The following TSPAN9 variants were observed in gnomAD, a reference collection of about 807,000 sequenced individuals.
The protein encoded by TSPAN9 is tetraspanin 9.
A neutral mutation model predicts 31.0 loss-of-function variants in TSPAN9; 16 were observed. The observed-to-expected ratio is 0.52, with a 90% CI of 0.35 to 0.78. TSPAN9 has a LOEUF of 0.78. Among genes scored for constraint, TSPAN9 ranks in the 30% least tolerant of loss-of-function variants. The pLI, the probability that TSPAN9 is intolerant of heterozygous loss-of-function variation, is 0.01. For synonymous variants in TSPAN9, 145 were observed against 121.6 expected (o/e 1.19, Z -1.27); for missense variants, 272 against 312.5 (o/e 0.87, Z 0.98).
At chr12:3,134,581 C>T (rs990094124) in intron 2 of TSPAN9, among the ~76,000 whole-genome samples, 1 of 152,134 alleles carries the variant, frequency 6.6e-6, no homozygotes, top group African/African-American at 2.4e-5. Flanking sequence ...TCGCTTGGGT[C>T]AGAGGGCCTT....
intron 3 of TSPAN9, among the ~76,000 whole-genome samples, chr12:3,215,667 C>T (rs1240330255): frequency 1.3e-5 from 2 of 152,218 alleles, no homozygotes; most frequent in Non-Finnish European, 2.9e-5. Flanking sequence ...GGCACCCCAG[C>T]GTCTGACACC....
chr12:3,226,784 A>ATTTTTTTT (rs2098387976), intron 3 of TSPAN9, among the ~76,000 whole-genome samples: 1 of 4,106 alleles, frequency 2.4e-4, no homozygotes, highest in Non-Finnish European at 3.9e-4. Flanking sequence ...ATATATATAT[A>ATTTTTTTT]TATATATATA....
chr12:3,169,929 A>G (rs929490471), intron 2 of TSPAN9, among the ~76,000 whole-genome samples: 26 of 137,498 alleles, frequency 1.9e-4, no homozygotes, highest in African/African-American at 8.0e-5. Context: ...GAACCCAACC[A>G]TGGGGCACCT....
intron 2 of TSPAN9, among the ~76,000 whole-genome samples, chr12:3,121,388 C>G (rs1230498591): frequency 8.2e-6 from 1 of 121,482 alleles, no homozygotes; most frequent in Non-Finnish European, 1.7e-5. Flanking sequence ...GAGACAGGTT[C>G]TTGCTCTGTT....
chr12:3,166,053 T>G (rs58999941), intron 2 of TSPAN9, among the ~76,000 whole-genome samples: 6,874 of 152,242 alleles, frequency 0.045, 515 homozygotes, highest in African/African-American at 0.16. Flanking sequence ...TGTTACTCTC[T>G]AAACGCTCTC....
chr12:3,118,255 C>CTTTTT (rs2098323349), intron 2 of TSPAN9, among the ~76,000 whole-genome samples: 4 of 20,104 alleles, frequency 2.0e-4, no homozygotes, highest in Admixed American at 8.8e-4. Context: ...CTGCACCCGC[C>CTTTTT]GTTTTTTTTT....
chr12:3,165,939 T>C (rs1263114538), intron 2 of TSPAN9, among the ~76,000 whole-genome samples: 2 of 152,146 alleles, frequency 1.3e-5, no homozygotes, highest in Admixed American at 1.3e-4. Context: ...GCACCGAGGC[T>C]CAGGCCAGGC....
intron 2 of TSPAN9, among the ~76,000 whole-genome samples, chr12:3,149,100 T>C (rs1008228036): frequency 6.6e-6 from 1 of 152,206 alleles, no homozygotes; most frequent in African/African-American, 2.4e-5. Flanking sequence ...ATAGAAATGG[T>C]CGAATTCTTC....
rs371175944 is a variant in TSPAN9 at position 3,281,202 on chromosome 12, G to A, written c.437G>A (p.Arg146Gln). 72 of 1,551,048 alleles carry A rather than the reference G, an allele frequency of 4.6e-5. No homozygotes were observed. The African/African-American group carries it at 9.4e-4, about 20-fold the overall frequency. Residue 146 changes from arginine (R) to glutamine (Q), a missense_variant, in exon 7 of 9, where the codon CGA (arginine) becomes CAA (glutamine). Physicochemically the swap from Arg to Gln is conservative, Grantham distance 43 (BLOSUM62 1). Coordinates refer to ENST00000011898, the MANE Select transcript of TSPAN9 (RefSeq NM_006675.5). The part of the protein sequence containing the change: ...NAWNIIQAEM[R>Q]CCGVTDYTDW... The stretch of plus-strand genomic sequence containing the variant: ...CCTTCCATTCCTGCTGGCCAGATGC[G>A]ATGCTGTGGTGTCACTGACTACACA...
At chr12:3,223,133 C>A (rs2098385426) in intron 3 of TSPAN9, among the ~76,000 whole-genome samples, 1 of 152,246 alleles carries the variant, frequency 6.6e-6, no homozygotes, top group Admixed American at 6.5e-5. Flanking sequence ...GTTTTGCTTA[C>A]AAATTAGAAG....
chr12:3,092,017 A>G (rs1591623365), intron 2 of TSPAN9, among the ~76,000 whole-genome samples: 1 of 152,222 alleles, frequency 6.6e-6, no homozygotes, highest in East Asian at 1.9e-4. Context: ...AGTGTTGACA[A>G]AAACATGCAA....
rs145012288 is a variant in TSPAN9, at chr12:3,217,227, G to A, written c.63+15971G>A. 3.9e-5 allele frequency among the ~76,000 whole-genome samples: 6 copies of A among 152,306 alleles called. No homozygotes were observed. In the East Asian group the frequency reaches 9.6e-4, roughly 24 times the overall value. On this transcript the variant is annotated intron_variant, in intron 3 of 8. Coordinates refer to ENST00000011898, the MANE Select transcript of TSPAN9 (RefSeq NM_006675.5). The stretch of plus-strand genomic sequence containing the variant: ...CCACCTGCCCCTGGGCCTCATGCCC[G>A]GACCTTGGATGCCAGGGGCTGAGGT...
At chr12:3,237,478 G>A (rs764734736) in intron 3 of TSPAN9, among the ~76,000 whole-genome samples, 3 of 152,332 alleles carry the variant, frequency 2.0e-5, no homozygotes, top group Admixed American at 6.5e-5. Flanking sequence ...GAGACCTCAA[G>A]TTGGCTTTGC....
At chr12:3,278,753 T>C in intron 4 of TSPAN9, 141 bp downstream of exon 4, 1 of 1,207,812 alleles carries the variant, frequency 8.3e-7, no homozygotes, top group South Asian at 1.5e-5. Flanking sequence ...CGTTCTAGGC[T>C]TGACCACACC....
At chr12:3,116,910 G>T (rs1234158334) in intron 2 of TSPAN9, among the ~76,000 whole-genome samples, 3 of 152,140 alleles carry the variant, frequency 2.0e-5, no homozygotes, top group Admixed American at 2.0e-4. Context: ...CTTGGTGGTT[G>T]TTTGTTGTTT....
intron 3 of TSPAN9, among the ~76,000 whole-genome samples, chr12:3,235,551 G>T (rs2098393332): frequency 6.6e-6 from 1 of 152,062 alleles, no homozygotes; most frequent in Non-Finnish European, 1.5e-5. Flanking sequence ...TTGAGTCCTT[G>T]TCTAATGTCA....
intron 2 of TSPAN9, among the ~76,000 whole-genome samples, chr12:3,194,022 T>C (rs887920342): frequency 2.0e-5 from 3 of 152,190 alleles, no homozygotes; most frequent in Admixed American, 6.5e-5. Context: ...TCCATAGATT[T>C]CTGGCTTGGG....
chr12:3,269,806 C>G (rs567372493), intron 3 of TSPAN9, among the ~76,000 whole-genome samples: 3 of 152,366 alleles, frequency 2.0e-5, no homozygotes, highest in East Asian at 3.9e-4. Flanking sequence ...CCCGCACCCC[C>G]TCTCGTGGCT....
In TSPAN9 at chr12:3,286,290, T is replaced by A. The variant is rs564358606; in HGVS notation, c.*3174T>A. ...CACACTTTCCTCCTCCCCACTGCAG[T>A]GAGTCAATAGTCCAGGGTGGGGCCT... On this transcript the variant is annotated 3_prime_UTR_variant, in exon 9 of 9. Transcript: ENST00000011898. The surrounding 1 kb of genome is among the most constrained non-coding windows in gnomAD (Gnocchi z 4.1). 42 of 152,784 alleles carry A rather than the reference T, an allele frequency of 2.7e-4. No homozygotes were observed. Among genetic ancestry groups the A allele is most frequent in the African/African-American group, 9.9e-4 (41 of 41,542 alleles). The allele number at this position is 152,784 out of a possible 1,614,324, so 9.5% of individuals were successfully genotyped here. A position where few individuals can be genotyped will look rare whatever the true frequency, so the allele number is the denominator to read the frequency against.
Sources: gnomAD v4.1 joint callset for allele counts (sites outside exome capture counted in the v4.1 genomes callset) on GRCh38, gnomAD v4.1.1 for gene constraint, Gnocchi (gnomAD v3.1) non-coding constraint, MANE v1.5 for transcripts, NCBI Gene and HGNC (gene_info 2026-07-23, HGNC 2026-07-21) for gene names.